SLC2A1: variants seen among roughly 807,000 people sequenced by gnomAD.
SLC2A1 encodes solute carrier family 2, facilitated glucose transporter member 1.
Under a neutral mutation model 46.6 loss-of-function variants are expected in SLC2A1, and 4 were observed. That is an observed-to-expected ratio of 0.09 (90% CI 0.04 to 0.20). The LOEUF is 0.20. Ranked by LOEUF, SLC2A1 falls within the 10% of genes least tolerant of loss-of-function variation. The pLI is 1.00. For missense variants in SLC2A1, 352 were observed against 667.0 expected (o/e 0.53, Z 5.20); for synonymous variants, 253 against 270.0 (o/e 0.94, Z 0.62).
intron 1 of SLC2A1, among the ~76,000 whole-genome samples, chr1:42,957,203 A>G (rs1643785332): frequency 6.6e-6 from 1 of 152,240 alleles, no homozygotes; most frequent in Admixed American, 6.5e-5. Context: ...GCCACTAGCT[A>G]GAAGAGCTTC....
chr1:42,926,769 A>G lies in SLC2A1; in HGVS notation c.*272T>C. On this transcript the variant is annotated 3_prime_UTR_variant, in exon 10 of 10. Transcript: ENST00000426263. ...CCTGGGATGTGGGCACAGGAGACTC[A>G]GGCTGATATAAAAATAACAAAATCA... 7.0e-7 allele frequency: 1 copy of G among 1,424,668 alleles called. No individual in the cohort carries two copies. Among genetic ancestry groups the G allele is most frequent in the Non-Finnish European group, 9.2e-7 (1 of 1,082,232 alleles). 88.3% of individuals were successfully genotyped at this position (1,424,668 alleles called of 1,614,324 possible).
chr1:42,951,252 C>T (rs986142938), intron 1 of SLC2A1, among the ~76,000 whole-genome samples: 2 of 152,106 alleles, frequency 1.3e-5, no homozygotes, highest in Admixed American at 1.3e-4. Flanking sequence ...CATGGTGGGA[C>T]ATGCCTGTAA....
Position 42,927,863 on chromosome 1 carries a change from A to C in SLC2A1, c.1075-55T>G. ...TTAGACTGGGTTGTGATGGATCCTC[A>C]GGGGAAACAGAAGCTACAGAGGCCA... On this transcript the variant is annotated intron_variant, in intron 8 of 9. Coordinates refer to ENST00000426263, the MANE Select transcript of SLC2A1 (RefSeq NM_006516.4). This position sits in a 1 kb window ranked among gnomAD's most constrained non-coding sequence, Gnocchi z 5.3. 7.4e-7 allele frequency: 1 copy of C among 1,357,732 alleles called. No individual in the cohort carries two copies. Among genetic ancestry groups the C allele is most frequent in the Non-Finnish European group, 1.0e-6 (1 of 967,596 alleles). 84.1% of individuals were successfully genotyped at this position (1,357,732 alleles called of 1,614,324 possible).
chr1:42,956,407 C>CAAAAAAAAAAAAAAAA (rs71577684), intron 1 of SLC2A1, among the ~76,000 whole-genome samples: 8 of 44,534 alleles, frequency 1.8e-4, no homozygotes, highest in Middle Eastern at 0.019. Flanking sequence ...ACTAAAACTA[C>CAAAAAAAAAAAAAAAA]AAAAAAAAAA....
chr1:42,946,181 G>C (rs901042651), intron 1 of SLC2A1, among the ~76,000 whole-genome samples: 4 of 152,124 alleles, frequency 2.6e-5, no homozygotes, highest in African/African-American at 9.7e-5. Context: ...GTCAATGGGG[G>C]CTGCTGGAGG....
chr1:42,929,751 C>T lies in SLC2A1; in HGVS notation c.709G>A (p.Val237Met), dbSNP rs1387242348. The change falls in exon 6 of 10, where the codon GTG (valine) becomes ATG (methionine). Residue 237 changes from valine (V) to methionine (M), a missense_variant. Val to Met is a conservative substitution (Grantham distance 21). Transcript: ENST00000426263. The surrounding 1 kb of genome is among the most constrained non-coding windows in gnomAD (Gnocchi z 6.0). The stretch of plus-strand genomic sequence containing the variant: ...TTCATCTCCTGCAGGTCATGGGTCA[C>T]GTCAGCTGTCCCGCGCAGCTTCTTT... ...VLKKLRGTAD[V>M]THDLQEMKEE... is the part of the protein sequence containing the mutation. 4 of 1,614,048 alleles carry T rather than the reference C, an allele frequency of 2.5e-6. No homozygotes were observed. Among genetic ancestry groups the T allele is most frequent in the African/African-American group, 2.7e-5 (2 of 74,908 alleles).
At chr1:42,958,245 C>A (rs957434302) in intron 1 of SLC2A1, among the ~76,000 whole-genome samples, 3 of 151,336 alleles carry the variant, frequency 2.0e-5, no homozygotes, top group African/African-American at 7.3e-5. Flanking sequence ...CGCGCTCGGG[C>A]CCCCTCCCCC....
chr1:42,935,667 A>C lies in SLC2A1; in HGVS notation c.115-4461T>G, dbSNP rs190345341. Among the ~76,000 whole-genome samples the C allele has an allele frequency of 2.0e-5, 3 of 152,254 alleles. No individual in the cohort carries two copies. The East Asian group carries it at 5.8e-4, about 29-fold the overall frequency. On this transcript the variant is annotated intron_variant, in intron 2 of 9. Coordinates refer to ENST00000426263, the MANE Select transcript of SLC2A1 (RefSeq NM_006516.4). ...CTCAGGGAATAAAGCTAGTCTCCAGACCCTGCTCGGCTGCTCCTGGCAGAG... is the reference window on the plus strand; with the variant it reads ...CTCAGGGAATAAAGCTAGTCTCCAGCCCCTGCTCGGCTGCTCCTGGCAGAG...
Position 42,930,270 on chromosome 1 carries a change from C to T in SLC2A1, c.517-235G>A. The T allele has an allele frequency of 1.6e-6, 1 of 632,196 alleles. No individual in the cohort carries two copies. The highest frequency in any genetic ancestry group is 1.9e-5 in the South Asian group (1 of 52,946). The allele number at this position is 632,196 out of a possible 1,614,324, so 39.2% of individuals were successfully genotyped here. Reference sequence around the variant, plus strand: ...ACAAATGACAAGGCCACAGATGTGTCCAGCACAGAGAATGGGGGCTGCTAC... The same window carrying T: ...ACAAATGACAAGGCCACAGATGTGTTCAGCACAGAGAATGGGGGCTGCTAC... On this transcript the variant is annotated intron_variant, in intron 4 of 9. Coordinates refer to ENST00000426263, the MANE Select transcript of SLC2A1 (RefSeq NM_006516.4). The surrounding 1 kb of genome is among the most constrained non-coding windows in gnomAD (Gnocchi z 6.2).
chr1:42,955,113 T>G (rs1274417502), intron 1 of SLC2A1, among the ~76,000 whole-genome samples: 1 of 152,228 alleles, frequency 6.6e-6, no homozygotes, highest in Non-Finnish European at 1.5e-5. Flanking sequence ...ACTGCCAGAA[T>G]GCCAGCTTTT....
chr1:42,931,842 A>AAG (rs1393900852), intron 2 of SLC2A1, among the ~76,000 whole-genome samples: 55 of 151,064 alleles, frequency 3.6e-4, no homozygotes, highest in African/African-American at 1.3e-3. Context: ...AAAAAAAAAA[A>AAG]AAAAGAGAAA....
At chr1:42,946,217 C>T (rs1031635436) in intron 1 of SLC2A1, among the ~76,000 whole-genome samples, 3 of 152,190 alleles carry the variant, frequency 2.0e-5, no homozygotes, top group African/African-American at 7.2e-5. Context: ...TCCGCTGGAC[C>T]TTGTCATCAG....
At chr1:42,947,713 T>TAA (rs3841834) in intron 1 of SLC2A1, among the ~76,000 whole-genome samples, 5 of 150,258 alleles carry the variant, frequency 3.3e-5, no homozygotes, top group African/African-American at 7.4e-5. Flanking sequence ...CAGAGTGAGA[T>TAA]AAAAAAAAGG....
At position 42,954,915 on chromosome 1, in the gene SLC2A1, CAA is replaced by C. The variant is rs1281829941; in HGVS notation, c.18+3717_18+3718del. 6.6e-6 allele frequency among the ~76,000 whole-genome samples: 1 copy of C among 152,220 alleles called. No homozygotes were observed. Among genetic ancestry groups the C allele is most frequent in the Non-Finnish European group, 1.5e-5 (1 of 68,028 alleles). ...GGAAGCCTAAGGCAAAAAAGCAAAG[CAA>C]AGAAGCCCAAAGCAGCGCAGGGCAC... is the stretch of plus-strand genomic sequence containing the variant. On this transcript the variant is annotated intron_variant, in intron 1 of 9. Coordinates refer to ENST00000426263, the MANE Select transcript of SLC2A1 (RefSeq NM_006516.4). This position sits in a 1 kb window ranked among gnomAD's most constrained non-coding sequence, Gnocchi z 4.2.
rs1351234076 is a variant in SLC2A1, at chr1:42,956,428, AAAAAAC to A, written c.18+2200_18+2205del. Among the ~76,000 whole-genome samples, 191 of 76,652 alleles carry A rather than the reference AAAAAAC, an allele frequency of 2.5e-3. 2 individuals carry two copies. Among genetic ancestry groups the A allele is most frequent in the Non-Finnish European group, 3.7e-3 (149 of 40,442 alleles). 50.3% of individuals were successfully genotyped at this position (76,652 alleles called of 152,430 possible). A position where few individuals can be genotyped will look rare whatever the true frequency, so the allele number is the denominator to read the frequency against. ...ACTACAAAAAAAAAAAAAAAAAAAA[AAAAAAC>A]ATTAGCTGGGTGTGGTGGCACATGC... On this transcript the variant is annotated intron_variant, in intron 1 of 9. Transcript: ENST00000426263.
chr1:42,956,024 A>G (rs1444239453), intron 1 of SLC2A1, among the ~76,000 whole-genome samples: 2 of 152,182 alleles, frequency 1.3e-5, no homozygotes, highest in Non-Finnish European at 2.9e-5. Context: ...GTGAAAGGCA[A>G]GCGATATGAC....
intron 1 of SLC2A1, among the ~76,000 whole-genome samples, chr1:42,947,270 G>A (rs1027721316): frequency 3.9e-5 from 6 of 152,234 alleles, no homozygotes; most frequent in Non-Finnish European, 2.9e-5. Flanking sequence ...TTTACTGGTG[G>A]GGAGCAATGT....
chr1:42,927,786 T>A lies in SLC2A1; in HGVS notation c.1097A>T (p.Tyr366Phe). ...ALLEQLPWMS[Y>F]LSIVAIFGFV... The stretch of plus-strand genomic sequence containing the variant: ...GCCAAAGATGGCCACGATGCTCAGA[T>A]AGGACATCCAGGGTAGCTGCTCCTG... The change falls in exon 9 of 10, where the codon TAT becomes TTT. Residue 366 changes from tyrosine (Y) to phenylalanine (F), a missense_variant. Tyr to Phe is a conservative substitution (Grantham distance 22). This residue lies in a region of SLC2A1 where 167 missense variants were observed against 280.8 expected (regional missense o/e 0.59). Coordinates refer to ENST00000426263, the MANE Select transcript of SLC2A1 (RefSeq NM_006516.4). This position sits in a 1 kb window ranked among gnomAD's most constrained non-coding sequence, Gnocchi z 5.3. The A allele has an allele frequency of 1.9e-6, 3 of 1,613,500 alleles. No individual in the cohort carries two copies. The highest frequency in any genetic ancestry group is 2.5e-6 in the Non-Finnish European group (3 of 1,179,690).
At chr1:42,931,259 T>C in intron 2 of SLC2A1, 53 bp from the exon 3 acceptor site, 1 of 1,575,680 alleles carries the variant, frequency 6.3e-7, no homozygotes, top group African/African-American at 1.4e-5. Flanking sequence ...GGACCCAGTC[T>C]TCCTTTTCCT....
Sources: allele counts gnomAD v4.1 joint callset (sites outside exome capture counted in the v4.1 genomes callset), GRCh38; gene constraint gnomAD v4.1.1; regional missense constraint gnomAD v4.1.1; non-coding constraint Gnocchi (gnomAD v3.1); transcripts MANE v1.5; gene names NCBI Gene and HGNC (gene_info 2026-07-23, HGNC 2026-07-21).